Variants in RNF121 observed in about 807,000 individuals in gnomAD.
RNF121 encodes the protein ring finger protein 121, also known as E3 ubiquitin ligase RNF121.
Under a neutral mutation model 46.5 loss-of-function variants are expected in RNF121, and 21 were observed. The ratio of observed to expected loss-of-function variants is 0.45; its 90% CI spans 0.32 to 0.65. RNF121 has a LOEUF of 0.65. Ranked by LOEUF, RNF121 falls within the 30% of genes least tolerant of loss-of-function variation. RNF121 has a pLI of 0.04. For missense variants in RNF121, 346 were observed against 416.0 expected (o/e 0.83, Z 1.46); for synonymous variants, 139 against 144.7 (o/e 0.96, Z 0.28).
chr11:71,977,989 C>A (rs527695308), intron 3 of RNF121: 2 of 272,248 alleles, frequency 7.3e-6, no homozygotes, highest in South Asian at 2.9e-5. Context: ...CATTTATATG[C>A]CTTCCTTAAT....
chr11:71,983,175 G>C, intron 4 of RNF121: 1 of 313,014 alleles, frequency 3.2e-6, no homozygotes, highest in Non-Finnish European at 5.8e-6. Flanking sequence ...AGCAAATTGT[G>C]GTGATCATTG....
chr11:71,963,092 T>C (rs1213389008), intron 3 of RNF121, among the ~76,000 whole-genome samples: 1 of 152,246 alleles, frequency 6.6e-6, no homozygotes, highest in Non-Finnish European at 1.5e-5. Flanking sequence ...GAGTACTTTA[T>C]ATAATCTGGA....
At chr11:71,932,053 T>C (rs945793687) in intron 1 of RNF121, among the ~76,000 whole-genome samples, 1 of 152,248 alleles carries the variant, frequency 6.6e-6, no homozygotes, top group African/African-American at 2.4e-5. Context: ...TTCATTCATA[T>C]TCCTTTTCTC....
At chr11:71,990,952 A>T (rs537732542) in intron 6 of RNF121, among the ~76,000 whole-genome samples, 1 of 152,360 alleles carries the variant, frequency 6.6e-6, no homozygotes, top group East Asian at 1.9e-4. Flanking sequence ...CTTTATCATA[A>T]GCCAGTTAAT....
intron 3 of RNF121, among the ~76,000 whole-genome samples, chr11:71,973,111 A>G (rs2134193169): frequency 6.6e-6 from 1 of 151,940 alleles, no homozygotes; most frequent in South Asian, 2.1e-4. Context: ...GCTTGAATCC[A>G]AGAGGCGGAG....
intron 1 of RNF121, among the ~76,000 whole-genome samples, chr11:71,937,387 A>C (rs11235408): frequency 0.35 from 53,088 of 152,024 alleles, 11,658 homozygotes; most frequent in South Asian, 0.5. Context: ...ACCTTGGCTC[A>C]CTGCAACCTC....
chr11:71,941,785 G>C (rs1272122007), intron 1 of RNF121, among the ~76,000 whole-genome samples: 2 of 152,148 alleles, frequency 1.3e-5, no homozygotes, highest in African/African-American at 4.8e-5. Flanking sequence ...CATGTCCTGG[G>C]ACCAAAAAGA....
chr11:71,967,261 A>G (rs980897789), intron 3 of RNF121, among the ~76,000 whole-genome samples: 2 of 150,412 alleles, frequency 1.3e-5, no homozygotes, highest in Admixed American at 6.6e-5. Context: ...TTTAAATAAC[A>G]TGTTTATACT....
At chr11:71,995,944 GC>G (rs1012027111) in intron 8 of RNF121, among the ~76,000 whole-genome samples, 2 of 152,114 alleles carry the variant, frequency 1.3e-5, no homozygotes, top group African/African-American at 4.8e-5. Context: ...CCCTCTATCT[GC>G]CTCCCACCTT....
At chr11:71,929,147 G>T (rs776508403) in intron 1 of RNF121, 23 bp downstream of exon 1, 1 of 1,549,258 alleles carries the variant, frequency 6.5e-7, no homozygotes, top group Admixed American at 2.0e-5. Flanking sequence ...GAGAGACGAG[G>T]AGAGACTCAA....
chr11:71,934,609 A>C (rs74925573), intron 1 of RNF121, among the ~76,000 whole-genome samples: 3,875 of 152,300 alleles, frequency 0.025, 53 homozygotes, highest in East Asian at 0.074. Context: ...TTTTTGGTCC[A>C]AGCCAATATC....
chr11:71,962,296 A>G (rs1954156515), intron 3 of RNF121: 14 of 984,644 alleles, frequency 1.4e-5, no homozygotes, highest in Non-Finnish European at 1.7e-5. Context: ...GAAAGTGAGT[A>G]TGCATATATG....
At chr11:71,952,447 T>A (rs1163171378) in intron 1 of RNF121, among the ~76,000 whole-genome samples, 2 of 152,236 alleles carry the variant, frequency 1.3e-5, no homozygotes, top group African/African-American at 4.8e-5. Flanking sequence ...ATACTTAATT[T>A]TTTAAAATTT....
intron 1 of RNF121, among the ~76,000 whole-genome samples, chr11:71,941,349 T>A (rs2081214495): frequency 6.6e-6 from 1 of 152,254 alleles, no homozygotes; most frequent in Admixed American, 6.5e-5. Context: ...TCTCCCTAAT[T>A]CGTTCACTCA....
intron 1 of RNF121, among the ~76,000 whole-genome samples, chr11:71,955,554 A>G (rs533809289): frequency 3.7e-4 from 57 of 152,282 alleles, no homozygotes; most frequent in Non-Finnish European, 7.5e-4. Context: ...CTTAAAGGAT[A>G]ACTAGGATGT....
In RNF121 at chr11:71,994,860, G is replaced by A. The variant is rs1384768913; in HGVS notation, c.761+8G>A. 4 of 1,613,972 alleles carry A rather than the reference G, an allele frequency of 2.5e-6. No homozygotes were observed. The African/African-American group carries it at 4.0e-5, about 16-fold the overall frequency. On this transcript the variant is annotated splice_region_variant and intron_variant, in intron 7 of 8. Transcript: ENST00000361756. ...GCTGTCCTGCAATCATGTGTATCCT[G>A]CCTCGAGCTCCTGGGCCACATCTCT...
At chr11:71,964,354 C>G (rs981977565) in intron 3 of RNF121, among the ~76,000 whole-genome samples, 2 of 152,108 alleles carry the variant, frequency 1.3e-5, no homozygotes, top group African/African-American at 4.8e-5. Context: ...TTGTGTTAGT[C>G]TTCCAACTTT....
intron 1 of RNF121, among the ~76,000 whole-genome samples, chr11:71,955,591 C>T (rs879033659): frequency 2.0e-5 from 3 of 151,822 alleles, no homozygotes; most frequent in Non-Finnish European, 2.9e-5. Flanking sequence ...ACAACAACAA[C>T]GAAAAATAGG....
chr11:71,943,266 T>G (rs2134155859), intron 1 of RNF121, among the ~76,000 whole-genome samples: 2 of 152,324 alleles, frequency 1.3e-5, no homozygotes, highest in East Asian at 3.9e-4. Context: ...TTTTATATTT[T>G]TTTGAATTTT....
Sources: allele counts gnomAD v4.1 joint callset (sites outside exome capture counted in the v4.1 genomes callset), GRCh38; gene constraint gnomAD v4.1.1; transcripts MANE v1.5; gene names NCBI Gene and HGNC (gene_info 2026-07-23, HGNC 2026-07-21).